The following POLR3B variants were observed in gnomAD, a reference collection of about 807,000 sequenced individuals.
The protein encoded by POLR3B is RNA polymerase III subunit B, also known as DNA-directed RNA polymerase III subunit RPC2.
A neutral mutation model predicts 147.4 loss-of-function variants in POLR3B; 96 were observed. The observed-to-expected ratio is 0.65, with a 90% CI of 0.55 to 0.77. The LOEUF (loss-of-function observed/expected upper bound fraction) is 0.77. POLR3B is among the 30% of genes least tolerant of loss of function. POLR3B has a pLI of 0.00. For missense variants in POLR3B, 1,036 were observed against 1,413.5 expected, an observed-to-expected ratio of 0.73 and a Z score of 4.28; for synonymous variants, 461 against 485.9, an observed-to-expected ratio of 0.95 and a Z score of 0.67.
At chr12:106,358,169 CG>C in intron 1 of POLR3B, 1 of 1,437,650 alleles carries the variant, frequency 7.0e-7, no homozygotes, top group Non-Finnish European at 9.1e-7. Flanking sequence ...TCAGCCGCTG[CG>C]GGGGCCGAGA....
At position 106,504,207 on chromosome 12, in the gene POLR3B, T is replaced by G; in HGVS notation, c.3225T>G (p.Phe1075Leu). ...LERLMISSDA[F>L]EVDVCGQCGL... ...GACTAATGATTTCAAGTGATGCCTT[T>G]GAGGTTGATGTCTGTGGGCAGTGTG... The change falls in exon 27 of 28, where the codon TTT becomes TTG. Residue 1075 changes from phenylalanine to leucine, a missense_variant. Phe to Leu is a conservative substitution (Grantham distance 22). Coordinates refer to ENST00000228347, the MANE Select transcript of POLR3B (RefSeq NM_018082.6). The surrounding 1 kb of genome is among the most constrained non-coding windows in gnomAD (Gnocchi z 4.6). The G allele has an allele frequency of 1.2e-6, 2 of 1,614,182 alleles. No homozygotes were observed. Among genetic ancestry groups the G allele is most frequent in the Non-Finnish European group, 1.7e-6 (2 of 1,179,988 alleles).
intron 23 of POLR3B, among the ~76,000 whole-genome samples, chr12:106,480,058 A>G (rs994008138): frequency 6.7e-6 from 1 of 149,758 alleles, no homozygotes; most frequent in Non-Finnish European, 1.5e-5. Context: ...TTGCCATATT[A>G]CCCAGGCTGG....
intron 23 of POLR3B, among the ~76,000 whole-genome samples, chr12:106,493,215 T>A (rs1021513214): frequency 6.6e-6 from 1 of 152,240 alleles, no homozygotes; most frequent in Non-Finnish European, 1.5e-5. Flanking sequence ...GCGCACCGCA[T>A]ATCATTTACA....
intron 1 of POLR3B, chr12:106,358,200 G>T: frequency 1.4e-6 from 2 of 1,419,900 alleles, no homozygotes; most frequent in Admixed American, 2.9e-5. Flanking sequence ...GCTGGCTCTA[G>T]GGTTGGAGCT....
chr12:106,378,120 A>G, intron 7 of POLR3B, 147 bp from the exon 8 acceptor site: 1 of 629,032 alleles, frequency 1.6e-6, no homozygotes, highest in Non-Finnish European at 2.9e-6. Flanking sequence ...AAAAAATAAA[A>G]TCAGCAACCC....
Position 106,393,038 on chromosome 12 carries a change from G to A in POLR3B, c.731G>A (p.Gly244Asp). Residue 244 changes from glycine (G) to aspartate (D), a missense_variant, in exon 10 of 28, where the codon GGT (glycine) becomes GAT (aspartate). Coordinates refer to ENST00000228347, the MANE Select transcript of POLR3B (RefSeq NM_018082.6). ...CTTTTCTTTCCTTCCTAGGCCATGG[G>A]TGTTGAGAGTGACCAGGAAATTGTG... ...IPIVIIFKAM[G>D]VESDQEIVQM... The A allele has an allele frequency of 6.2e-7, 1 of 1,614,178 alleles. No homozygotes were observed. The highest frequency in any genetic ancestry group is 2.2e-5 in the East Asian group (1 of 44,888).
intron 1 of POLR3B, 29 bp downstream of exon 1, chr12:106,357,980 G>A (rs1337215134): frequency 6.2e-7 from 1 of 1,609,686 alleles, no homozygotes; most frequent in Non-Finnish European, 8.5e-7. Flanking sequence ...GGGAGCGTCA[G>A]GGACAAGGAT....
chr12:106,402,934 G>A (rs1004923459), intron 10 of POLR3B, among the ~76,000 whole-genome samples: 115 of 152,230 alleles, frequency 7.6e-4, no homozygotes, highest in Non-Finnish European at 1.4e-3. Context: ...AAAAGCAATG[G>A]CAACAACAGC....
intron 9 of POLR3B, among the ~76,000 whole-genome samples, chr12:106,388,225 T>A (rs1036920432): frequency 6.6e-6 from 1 of 152,210 alleles, no homozygotes; most frequent in Non-Finnish European, 1.5e-5. Flanking sequence ...CCTGCACTTA[T>A]GATGGCATCT....
intron 1 of POLR3B, chr12:106,358,229 G>C (rs2036417248): frequency 7.2e-7 from 1 of 1,390,352 alleles, no homozygotes; most frequent in Non-Finnish European, 9.3e-7. Context: ...ATAGGTGTGC[G>C]TGGGGAGGAC....
chr12:106,460,931 C>T (rs183077088), intron 22 of POLR3B, among the ~76,000 whole-genome samples: 3 of 152,190 alleles, frequency 2.0e-5, no homozygotes, highest in Admixed American at 6.5e-5. Flanking sequence ...CCTTTCACTA[C>T]GAAGCTCCTC....
intron 22 of POLR3B, among the ~76,000 whole-genome samples, chr12:106,461,921 T>C (rs147282574): frequency 2.6e-5 from 4 of 152,316 alleles, no homozygotes; most frequent in Admixed American, 6.5e-5. Flanking sequence ...GACTCCCATA[T>C]AGACATCTGC....
At chr12:106,398,584 A>C (rs1411736635) in intron 10 of POLR3B, among the ~76,000 whole-genome samples, 1 of 152,164 alleles carries the variant, frequency 6.6e-6, no homozygotes, top group African/African-American at 2.4e-5. Context: ...GGCACCCCCC[A>C]GTAGGGGCGG....
intron 22 of POLR3B, among the ~76,000 whole-genome samples, chr12:106,461,377 C>T (rs1234107439): frequency 2.6e-5 from 4 of 152,076 alleles, no homozygotes; most frequent in Admixed American, 6.5e-5. Context: ...CATAAGCCAC[C>T]GTGCCCAGCC....
chr12:106,449,007 G>A lies in POLR3B; in HGVS notation c.2083+4417G>A, dbSNP rs376520876. 2.3e-4 allele frequency among the ~76,000 whole-genome samples: 35 copies of A among 152,084 alleles called. No individual in the cohort carries two copies. In the South Asian group the frequency reaches 5.4e-3, roughly 23 times the overall value. ...TAAGCCCCTCGAAGTCAGGAGCTCC[G>A]TTACTTATTACAGGTTGAATATCCC... On this transcript the variant is annotated intron_variant, in intron 19 of 27. Transcript: ENST00000228347.
At chr12:106,467,174 T>C (rs1207009051) in intron 23 of POLR3B, among the ~76,000 whole-genome samples, 1 of 152,220 alleles carries the variant, frequency 6.6e-6, no homozygotes, top group Middle Eastern at 3.2e-3. Flanking sequence ...TCACATCCCT[T>C]GTAAGTTGGA....
intron 12 of POLR3B, among the ~76,000 whole-genome samples, chr12:106,416,722 A>G (rs1446037842): frequency 6.6e-6 from 1 of 152,118 alleles, no homozygotes; most frequent in Non-Finnish European, 1.5e-5. Flanking sequence ...TCCTCCATGG[A>G]ATTCATAAGC....
chr12:106,464,735 C>T (rs191631031), intron 23 of POLR3B, among the ~76,000 whole-genome samples: 7 of 152,178 alleles, frequency 4.6e-5, no homozygotes, highest in African/African-American at 1.7e-4. Flanking sequence ...AGTGTGATAT[C>T]TTCTTATTTT....
At chr12:106,432,562 G>A in intron 15 of POLR3B, 82 bp downstream of exon 15, 4 of 1,157,086 alleles carry the variant, frequency 3.5e-6, no homozygotes, top group South Asian at 2.5e-5. Context: ...GGTATTTAAA[G>A]CACAGATAGA....
Sources: gnomAD v4.1 joint callset for allele counts (sites outside exome capture counted in the v4.1 genomes callset) on GRCh38, gnomAD v4.1.1 for gene constraint, Gnocchi (gnomAD v3.1) non-coding constraint, MANE v1.5 for transcripts, NCBI Gene and HGNC (gene_info 2026-07-23, HGNC 2026-07-21) for gene names.